Variants in MAPT observed in about 807,000 individuals in gnomAD.
The protein encoded by MAPT is microtubule-associated protein tau.
MAPT carries 34 observed loss-of-function variants against 67.9 expected under a neutral mutation model. That is an observed-to-expected ratio of 0.50 (90% CI 0.38 to 0.67). The LOEUF (loss-of-function observed/expected upper bound fraction) is 0.67. MAPT is among the 30% of genes least tolerant of loss of function. MAPT has a pLI of 0.00. For synonymous variants in MAPT, 456 were observed against 464.5 expected (o/e 0.98, Z 0.23); for missense variants, 881 against 1,115.2 (o/e 0.79, Z 2.99).
At chr17:45,936,391 C>T (rs1218054019) in intron 1 of MAPT, among the ~76,000 whole-genome samples, 4 of 152,234 alleles carry the variant, frequency 2.6e-5, no homozygotes, top group Non-Finnish European at 5.9e-5. Flanking sequence ...CCAGGGGCTG[C>T]CTGTAGCATT....
chr17:45,922,450 G>A (rs973132021), intron 1 of MAPT, among the ~76,000 whole-genome samples: 7 of 148,612 alleles, frequency 4.7e-5, no homozygotes, highest in African/African-American at 1.7e-4. Context: ...CTGGGCTGCT[G>A]AGGAACTGAG....
chr17:45,947,842 A>C (rs1290341430), intron 1 of MAPT, among the ~76,000 whole-genome samples: 2 of 152,124 alleles, frequency 1.3e-5, no homozygotes, highest in East Asian at 3.9e-4. Flanking sequence ...CTTCTAAAAA[A>C]TACTGTTTAT....
rs186070088 is a variant in MAPT, at chr17:45,905,271, C to T, written c.-18+10585C>T. On this transcript the variant is annotated intron_variant, in intron 1 of 12. Transcript: ENST00000262410. ...GGATAATCCTATAGGGATAACTTGC[C>T]TCCTGGGCTTCTCTCCACCGGGTTC... Among the ~76,000 whole-genome samples the T allele has an allele frequency of 2.0e-5, 3 of 152,282 alleles. No individual in the cohort carries two copies. The East Asian group carries it at 5.8e-4, about 29-fold the overall frequency.
At chr17:45,977,106 G>T (rs188196240) in intron 3 of MAPT, 1 of 153,006 alleles carries the variant, frequency 6.5e-6, no homozygotes, top group East Asian at 1.9e-4. Context: ...GACCCGGAGG[G>T]TGTCTGTGTC....
chr17:46,007,857 T>C lies in MAPT; in HGVS notation c.1999-2453T>C, dbSNP rs565095658. Among the ~76,000 whole-genome samples the C allele has an allele frequency of 3.9e-5, 6 of 152,186 alleles. No homozygotes were observed. In the East Asian group the frequency reaches 9.6e-4, roughly 24 times the overall value. ...TCTGTGTTATGAAAATAACCCATCA[T>C]ATGGAAAAAGCTCCTTTCAGAAAGA... is the stretch of plus-strand genomic sequence containing the variant. On this transcript the variant is annotated intron_variant, in intron 9 of 12. Transcript: ENST00000262410.
chr17:45,942,844 A>G (rs1358786423), intron 1 of MAPT, among the ~76,000 whole-genome samples: 1 of 152,208 alleles, frequency 6.6e-6, no homozygotes, highest in African/African-American at 2.4e-5. Context: ...TTTTACAGAC[A>G]ATGCAAAGGA....
Position 45,983,661 on chromosome 17 carries a change from G to T in MAPT, c.1082G>T (p.Gly361Val). The T allele has an allele frequency of 6.2e-7, 1 of 1,614,018 alleles. No individual in the cohort carries two copies. The change falls in exon 5 of 13, where the codon GGG becomes GTG. Residue 361 changes from glycine (G) to valine (V), a missense_variant. Physicochemically the swap from Gly to Val is moderately radical, Grantham distance 109 (BLOSUM62 -3). Coordinates refer to ENST00000262410, the MANE Select transcript of MAPT (RefSeq NM_001377265.1). ...STEIPASEPD[G>V]PSVGRAKGQD... ...GAGATCCCAGCCTCAGAGCCCGACG[G>T]GCCCAGTGTAGGGCGGGCCAAAGGG...
intron 1 of MAPT, among the ~76,000 whole-genome samples, chr17:45,910,147 C>G (rs1283254231): frequency 6.6e-6 from 1 of 152,178 alleles, no homozygotes; most frequent in African/African-American, 2.4e-5. Context: ...AACACACAGG[C>G]ACGGGGTGTC....
chr17:46,008,830 G>A (rs1295983198), intron 9 of MAPT, among the ~76,000 whole-genome samples: 6 of 152,154 alleles, frequency 3.9e-5, no homozygotes, highest in South Asian at 4.1e-4. Flanking sequence ...TCAAGATTTC[G>A]GAAGCGGCCT....
chr17:45,910,765 C>T (rs1163175538), intron 1 of MAPT: 3 of 151,858 alleles, frequency 2.0e-5, no homozygotes, highest in Non-Finnish European at 4.4e-5. Context: ...AGGAGGCAGC[C>T]GCGGGTGAAG....
intron 1 of MAPT, among the ~76,000 whole-genome samples, chr17:45,941,697 TCCTGCCTG>T (rs1165832336): frequency 0.018 from 1,139 of 64,536 alleles, 88 homozygotes; most frequent in African/African-American, 0.042. Context: ...CTTCCTTCCT[TCCTGCCTG>T]CCTTCCTTCC....
rs546040488 is a variant in MAPT, at chr17:45,961,200, T to C, written c.-17-1121T>C. Among the ~76,000 whole-genome samples, 4 of 152,314 alleles carry C rather than the reference T, an allele frequency of 2.6e-5. No individual in the cohort carries two copies. In the East Asian group the frequency reaches 7.7e-4, roughly 29 times the overall value. On this transcript the variant is annotated intron_variant, in intron 1 of 12. Transcript: ENST00000262410. Reference sequence around the variant, plus strand: ...AAAAAAAAGTTCATAAATTCAAAGTTATGAATTATTTTTAAAATAATAATA... The same window carrying C: ...AAAAAAAAGTTCATAAATTCAAAGTCATGAATTATTTTTAAAATAATAATA...
intron 1 of MAPT, among the ~76,000 whole-genome samples, chr17:45,951,733 C>T (rs955152604): frequency 1.8e-4 from 27 of 152,032 alleles, no homozygotes; most frequent in Non-Finnish European, 3.1e-4. Context: ...ACCACAGGGA[C>T]GGACTCAGGA....
chr17:45,986,663 C>T lies in MAPT; in HGVS notation c.1352-377C>T, dbSNP rs545522621. On this transcript the variant is annotated intron_variant, in intron 5 of 12. Transcript: ENST00000262410. ...CCCATCCATGGAGTGGGGCTGGTCC[C>T]AGTGGGGTGAGGCTGACCCTGGCAG... Among the ~76,000 whole-genome samples, 15 of 152,332 alleles carry T rather than the reference C, an allele frequency of 9.8e-5. No homozygotes were observed. In the South Asian group the frequency reaches 1.9e-3, roughly 19 times the overall value.
chr17:45,994,019 G>A (rs369495629), intron 8 of MAPT: 277 of 1,527,242 alleles, frequency 1.8e-4, no homozygotes, highest in Non-Finnish European at 2.3e-4. Flanking sequence ...CTCCCTTTGC[G>A]TGTGTGGCCA....
chr17:45,922,781 C>T (rs1434019123), intron 1 of MAPT, among the ~76,000 whole-genome samples: 2 of 152,028 alleles, frequency 1.3e-5, no homozygotes, highest in African/African-American at 4.8e-5. Flanking sequence ...TAGGGCAGGT[C>T]CTTGAAGCCA....
At chr17:45,985,340 A>G (rs1234331320) in intron 5 of MAPT, among the ~76,000 whole-genome samples, 1 of 152,122 alleles carries the variant, frequency 6.6e-6, no homozygotes, top group Non-Finnish European at 1.5e-5. Context: ...AGAGAGAAAA[A>G]AATATATCCT....
chr17:45,999,592 T>G, intron 9 of MAPT: 1 of 1,612,488 alleles, frequency 6.2e-7, no homozygotes, highest in Non-Finnish European at 8.5e-7. Flanking sequence ...GGGCCAGAAC[T>G]GTCCCTCCCA....
At chr17:45,974,066 T>C in intron 3 of MAPT, 1 of 412,614 alleles carries the variant, frequency 2.4e-6, no homozygotes. Flanking sequence ...AATCATCTGG[T>C]TTTCAGTATT....
Sources: gnomAD v4.1 joint callset for allele counts (sites outside exome capture counted in the v4.1 genomes callset) on GRCh38, gnomAD v4.1.1 for gene constraint, MANE v1.5 for transcripts, NCBI Gene and HGNC (gene_info 2026-07-23, HGNC 2026-07-21) for gene names.